KIT: variants seen among roughly 807,000 people sequenced by gnomAD.
The protein encoded by KIT is mast/stem cell growth factor receptor Kit.
KIT carries 16 observed loss-of-function variants against 105.7 expected under a neutral mutation model. That is an observed-to-expected ratio of 0.15 (90% CI 0.10 to 0.23). KIT has a LOEUF of 0.23. KIT is among the 10% of genes least tolerant of loss of function. The probability of loss-of-function intolerance (pLI) is 1.00; values close to 1 mark genes in which losing one functional copy is unlikely to be tolerated. For synonymous variants in KIT, 438 were observed against 441.1 expected, an observed-to-expected ratio of 0.99 and a Z score of 0.09; for missense variants, 858 against 1,213.8, an observed-to-expected ratio of 0.71 and a Z score of 4.36.
At position 54,739,026 on chromosome 4, in the gene KIT, A is replaced by G. The variant is rs1723098449; in HGVS notation, c.*469A>G. 2.2e-6 allele frequency: 1 copy of G among 454,528 alleles called. No homozygotes were observed. Among genetic ancestry groups the G allele is most frequent in the Non-Finnish European group, 3.8e-6 (1 of 259,834 alleles). The allele number at this position is 454,528 out of a possible 1,614,324, so 28.2% of individuals were successfully genotyped here. A position where few individuals can be genotyped will look rare whatever the true frequency, so the allele number is the denominator to read the frequency against. The stretch of plus-strand genomic sequence containing the variant: ...ACATCATTAGAACAAAGGACAGAGT[A>G]TGAACACCTGGGCTTAAGAAATCTA... On this transcript the variant is annotated 3_prime_UTR_variant, in exon 21 of 21. Transcript: ENST00000288135.
At chr4:54,723,764 C>T (rs1722043241) in intron 8 of KIT, 66 bp downstream of exon 8, 4 of 981,288 alleles carry the variant, frequency 4.1e-6, no homozygotes, top group Non-Finnish European at 4.9e-6. Flanking sequence ...ACTTGAATTT[C>T]AAATATGTTT....
At chr4:54,736,903 T>G (rs1425593257) in intron 19 of KIT, 83 bp downstream of exon 19, 2 of 987,098 alleles carry the variant, frequency 2.0e-6, no homozygotes, top group African/African-American at 3.2e-5. Context: ...ATGTTGAGGG[T>G]TTTCATAACA....
chr4:54,667,638 C>T (rs554765738), intron 1 of KIT, among the ~76,000 whole-genome samples: 11 of 152,162 alleles, frequency 7.2e-5, no homozygotes, highest in African/African-American at 1.4e-4. Context: ...GCCGACAGAA[C>T]GTCTGTAGAG....
At chr4:54,700,511 T>A (rs180855979) in intron 4 of KIT, among the ~76,000 whole-genome samples, 9 of 152,346 alleles carry the variant, frequency 5.9e-5, no homozygotes, top group African/African-American at 2.2e-4. Context: ...TTACACTGTC[T>A]TAATTTCCAA....
intron 1 of KIT, among the ~76,000 whole-genome samples, chr4:54,689,925 G>A (rs1719573601): frequency 6.6e-6 from 1 of 151,936 alleles, no homozygotes; most frequent in Non-Finnish European, 1.5e-5. Context: ...CTGTCTCTGT[G>A]AATTAGCCTA....
chr4:54,727,954 G>A (rs778483861), intron 12 of KIT, 27 bp downstream of exon 12: 8 of 1,610,778 alleles, frequency 5.0e-6, no homozygotes, highest in East Asian at 2.2e-5. Flanking sequence ...TACTGCATGC[G>A]CTTGACATCA....
intron 5 of KIT, among the ~76,000 whole-genome samples, chr4:54,705,441 T>C (rs970704896): frequency 1.4e-4 from 22 of 152,242 alleles, no homozygotes; most frequent in African/African-American, 4.3e-4. Flanking sequence ...AGAAATTACT[T>C]TTTTATTGTA....
At position 54,669,528 on chromosome 4, in the gene KIT, G is replaced by C. The variant is rs1717957225; in HGVS notation, c.67+11447G>C. ...ATTCTTCATTCTTTTGATCCCTTCTGTATCTTTAATCTGCCCTTATACCAG... is the reference window on the plus strand; with the variant it reads ...ATTCTTCATTCTTTTGATCCCTTCTCTATCTTTAATCTGCCCTTATACCAG... On this transcript the variant is annotated intron_variant, in intron 1 of 20. Coordinates refer to ENST00000288135, the MANE Select transcript of KIT (RefSeq NM_000222.3). Among the ~76,000 whole-genome samples, 3 of 152,100 alleles carry C rather than the reference G, an allele frequency of 2.0e-5. No homozygotes were observed. In the South Asian group the frequency reaches 6.2e-4, roughly 31 times the overall value.
Position 54,709,518 on chromosome 4 carries a change from G to A in KIT, c.1210G>A (p.Ala404Thr), listed in dbSNP as rs1272269119. Residue 404 changes from alanine (A) to threonine (T), a missense_variant, in exon 7 of 21, where the codon GCA becomes ACA. By Grantham distance (58) the Ala-to-Thr change is moderately conservative. Transcript: ENST00000288135. Reference sequence around the variant, plus strand: ...CAATTCTGACGTCAATGCTGCCATAGCATTTAATGTTTATGTGAATAGTAA... The same window carrying A: ...CAATTCTGACGTCAATGCTGCCATAACATTTAATGTTTATGTGAATAGTAA... ...VSNSDVNAAI[A>T]FNVYVNTKPE... is the part of the protein sequence containing the mutation. 4 of 1,607,178 alleles carry A rather than the reference G, an allele frequency of 2.5e-6. No individual in the cohort carries two copies. In the South Asian group the frequency reaches 3.3e-5, roughly 13 times the overall value.
intron 1 of KIT, among the ~76,000 whole-genome samples, chr4:54,683,375 A>G (rs567843456): frequency 3.9e-5 from 6 of 152,160 alleles, no homozygotes; most frequent in African/African-American, 1.4e-4. Flanking sequence ...GGTGGCTCAC[A>G]CCTGTAATTC....
intron 1 of KIT, among the ~76,000 whole-genome samples, chr4:54,682,419 T>A (rs565525636): frequency 2.0e-5 from 3 of 151,976 alleles, no homozygotes. Flanking sequence ...TGTAAGAGAT[T>A]TCTTTGTCTT....
chr4:54,659,306 C>T (rs1415378564), intron 1 of KIT, among the ~76,000 whole-genome samples: 1 of 152,192 alleles, frequency 6.6e-6, no homozygotes. Flanking sequence ...TTCCTGCCTC[C>T]CGTTCCCTTT....
chr4:54,695,800 G>A lies in KIT; in HGVS notation c.337+19G>A, dbSNP rs376514186. On this transcript the variant is annotated intron_variant, in intron 2 of 20. Coordinates refer to ENST00000288135, the MANE Select transcript of KIT (RefSeq NM_000222.3). ...GTTAGAGGTAAATGCTTGGCTTTCT[G>A]CAGTGCTGTGCTTTCAAGAATTTAA... 1.2e-5 allele frequency: 19 copies of A among 1,614,084 alleles called. No homozygotes were observed. In the African/African-American group the frequency reaches 2.4e-4, roughly 20 times the overall value.
chr4:54,670,844 A>G (rs1188207720), intron 1 of KIT, among the ~76,000 whole-genome samples: 2 of 151,670 alleles, frequency 1.3e-5, no homozygotes, highest in Non-Finnish European at 2.9e-5. Flanking sequence ...GGGTTTCACC[A>G]CTCTGTCCAT....
Position 54,733,202 on chromosome 4 carries a change from C to G in KIT, c.2484+10C>G, listed in dbSNP as rs913288010. On this transcript the variant is annotated intron_variant, in intron 17 of 20. Coordinates refer to ENST00000288135, the MANE Select transcript of KIT (RefSeq NM_000222.3). The stretch of plus-strand genomic sequence containing the variant: ...TGTGGTTAAAGGAAACGTGAGTACC[C>G]ATTCTCTGCTTGACAGTCCTGCAAA... 6.2e-7 allele frequency: 1 copy of G among 1,611,538 alleles called. No homozygotes were observed. The highest frequency in any genetic ancestry group is 1.7e-5 in the Admixed American group (1 of 59,966).
In KIT at chr4:54,707,318, C is replaced by T. The variant is rs148182985; in HGVS notation, c.1115+31C>T. Reference sequence around the variant, plus strand: ...AAATGGACCTTGCCCTGGGGGATTACACATTACCCCCTTTTCCAGTGGGCT... The same window carrying T: ...AAATGGACCTTGCCCTGGGGGATTATACATTACCCCCTTTTCCAGTGGGCT... On this transcript the variant is annotated intron_variant, in intron 6 of 20. Coordinates refer to ENST00000288135, the MANE Select transcript of KIT (RefSeq NM_000222.3). 5.8e-4 allele frequency: 814 copies of T among 1,415,304 alleles called. 2 individuals are homozygous for T. Among genetic ancestry groups the T allele is most frequent in the Non-Finnish European group, 7.9e-4 (788 of 999,738 alleles). 87.7% of individuals were successfully genotyped at this position (1,415,304 alleles called of 1,614,324 possible).
At chr4:54,712,237 A>G (rs1273900989) in intron 7 of KIT, among the ~76,000 whole-genome samples, 2 of 152,202 alleles carry the variant, frequency 1.3e-5, no homozygotes, top group Admixed American at 1.3e-4. Context: ...GAAAAAGAAC[A>G]ATATACAAAA....
intron 8 of KIT, among the ~76,000 whole-genome samples, chr4:54,725,078 T>A (rs1722134341): frequency 6.6e-6 from 1 of 152,140 alleles, no homozygotes; most frequent in East Asian, 1.9e-4. Flanking sequence ...TCACTTTGAC[T>A]ATTTTCTGGT....
intron 5 of KIT, among the ~76,000 whole-genome samples, chr4:54,706,455 A>C (rs1025819399): frequency 6.6e-6 from 1 of 152,208 alleles, no homozygotes; most frequent in Non-Finnish European, 1.5e-5. Context: ...TTATTTTACT[A>C]TATAGACTTT....
Sources: gnomAD v4.1 joint callset for allele counts (sites outside exome capture counted in the v4.1 genomes callset) on GRCh38, gnomAD v4.1.1 for gene constraint, MANE v1.5 for transcripts, NCBI Gene and HGNC (gene_info 2026-07-23, HGNC 2026-07-21) for gene names.